The following CCDC144A variants were observed in gnomAD, a reference collection of about 807,000 sequenced individuals.
CCDC144A encodes coiled-coil domain containing 144A, also known as coiled-coil domain-containing protein 144A.
Under a neutral mutation model 143.8 loss-of-function variants are expected in CCDC144A, and 41 were observed. The ratio of observed to expected loss-of-function variants is 0.29; its 90% confidence interval spans 0.22 to 0.37. The LOEUF (loss-of-function observed/expected upper bound fraction) is 0.37, where lower values mean the gene tolerates loss of function less well. Among genes scored for constraint, CCDC144A ranks in the 10% least tolerant of loss-of-function variants. The probability of loss-of-function intolerance (pLI) is 1.00; values close to 1 mark genes in which losing one functional copy is unlikely to be tolerated. For synonymous variants in CCDC144A, 242 were observed against 517.9 expected, an observed-to-expected ratio of 0.47 and a Z score of 7.23; for missense variants, 637 against 1,488.8, an observed-to-expected ratio of 0.43 and a Z score of 9.41.
intron 12 of CCDC144A, among the ~76,000 whole-genome samples, chr17:16,737,259 C>CG: frequency 6.7e-6 from 1 of 148,396 alleles, no homozygotes; most frequent in East Asian, 2.0e-4. Context: ...CTCCGCCTCC[C>CG]GGGTTCACGC....
At chr17:16,761,951 C>A (rs1597592472) in intron 13 of CCDC144A, among the ~76,000 whole-genome samples, 2 of 152,168 alleles carry the variant, frequency 1.3e-5, no homozygotes, top group Admixed American at 1.3e-4. Context: ...ATTACTAAAG[C>A]CAGTTGGCAT....
chr17:16,757,425 G>C (rs1438314861), intron 12 of CCDC144A, among the ~76,000 whole-genome samples: 4 of 152,266 alleles, frequency 2.6e-5, no homozygotes, highest in Non-Finnish European at 5.9e-5. Flanking sequence ...CCACGTGCAG[G>C]TGCCGGTGGG....
intron 9 of CCDC144A, among the ~76,000 whole-genome samples, chr17:16,729,991 TACACAC>T (rs1555533309): frequency 5.2e-5 from 6 of 114,854 alleles, no homozygotes; most frequent in Admixed American, 8.6e-5. Flanking sequence ...TATATATATA[TACACAC>T]ATACATTTTT....
At chr17:16,684,838 C>T (rs1235220058), upstream of CCDC144A, among the ~76,000 whole-genome samples, 3 of 151,974 alleles carry the variant, frequency 2.0e-5, no homozygotes, top group Non-Finnish European at 2.9e-5. Context: ...TGGTGCATGC[C>T]TGTAGTCTAG....
At chr17:16,746,871 T>A in intron 12 of CCDC144A, 1 of 667,424 alleles carries the variant, frequency 1.5e-6, no homozygotes, top group Non-Finnish European at 2.6e-6. Flanking sequence ...TCCTCTCCCT[T>A]CTCTCCCTTC....
chr17:16,692,579 T>G (rs1473495639), intron 1 of CCDC144A, among the ~76,000 whole-genome samples: 1 of 149,160 alleles, frequency 6.7e-6, no homozygotes, highest in Admixed American at 6.8e-5. Context: ...ACTGTTTCTC[T>G]GAGCATTTAC....
chr17:16,715,926 A>G (rs954069506), intron 6 of CCDC144A, among the ~76,000 whole-genome samples: 4 of 152,200 alleles, frequency 2.6e-5, no homozygotes, highest in African/African-American at 9.7e-5. Context: ...GCGCACGTTG[A>G]TATTGGTTGG....
intron 12 of CCDC144A, among the ~76,000 whole-genome samples, chr17:16,759,315 C>G (rs1382102846): frequency 6.6e-6 from 1 of 152,214 alleles, no homozygotes; most frequent in Non-Finnish European, 1.5e-5. Flanking sequence ...GTAACCACCC[C>G]TGTAAGCCAA....
intron 2 of CCDC144A, among the ~76,000 whole-genome samples, chr17:16,694,955 T>C (rs1911311545): frequency 6.6e-6 from 1 of 152,220 alleles, no homozygotes; most frequent in African/African-American, 2.4e-5. Flanking sequence ...TATAAAAATG[T>C]TTCACAATAA....
intron 12 of CCDC144A, among the ~76,000 whole-genome samples, chr17:16,754,124 C>T (rs578013682): frequency 2.0e-3 from 306 of 152,282 alleles, no homozygotes; most frequent in African/African-American, 6.9e-3. Flanking sequence ...TATAGTTGTT[C>T]ATAATAGTCT....
intron 1 of CCDC144A, among the ~76,000 whole-genome samples, chr17:16,691,065 G>T (rs1360298841): frequency 1.3e-5 from 2 of 151,686 alleles, no homozygotes; most frequent in Non-Finnish European, 2.9e-5. Flanking sequence ...AGAACTTCAT[G>T]TTGGCCGAGC....
rs1915921725 is a variant in CCDC144A, at chr17:16,774,014, GTCAAT to G, written c.*382_*386del. The G allele has an allele frequency of 5.5e-6, 1 of 182,430 alleles. No individual in the cohort carries two copies. The highest frequency in any genetic ancestry group is 1.9e-4 in the South Asian group (1 of 5,250). The allele number at this position is 182,430 out of a possible 1,614,324, so 11.3% of individuals were successfully genotyped here. On this transcript the variant is annotated 3_prime_UTR_variant, in exon 17 of 17. Coordinates refer to ENST00000399273, the MANE Select transcript of CCDC144A (RefSeq NM_001382000.1). ...TTGGTATACTGGTACTGTGGTCATT[GTCAAT>G]GTTTGGATGTATTACGATTGTTATA... is the stretch of plus-strand genomic sequence containing the variant.
In CCDC144A at chr17:16,709,331, C is replaced by T; in HGVS notation, c.1274C>T (p.Ala425Val). The T allele has an allele frequency of 1.2e-6, 2 of 1,611,414 alleles. No individual in the cohort carries two copies. The highest frequency in any genetic ancestry group is 1.7e-6 in the Non-Finnish European group (2 of 1,179,464). Reference sequence around the variant, plus strand: ...ACAGATAAGAACTTTCATAATGATGCAAGCACTAAGAAAGCAAGGAACCCA... The same window carrying T: ...ACAGATAAGAACTTTCATAATGATGTAAGCACTAAGAAAGCAAGGAACCCA... Reference protein sequence around the residue: ...FSTDKNFHNDASTKKARNPEV... With the variant: ...FSTDKNFHNDVSTKKARNPEV... Residue 425 changes from alanine to valine, a missense_variant, in exon 5 of 17, where the codon GCA becomes GTA. Coordinates refer to ENST00000399273, the MANE Select transcript of CCDC144A (RefSeq NM_001382000.1).
chr17:16,708,831 C>A lies in CCDC144A; in HGVS notation c.774C>A (p.Cys258Ter), dbSNP rs549811268. 7 of 1,611,668 alleles carry A rather than the reference C, an allele frequency of 4.3e-6. No individual in the cohort carries two copies. In the South Asian group the frequency reaches 4.4e-5, roughly 10 times the overall value. ...AAGAACCAGAAATGGCTAAGGATTG[C>A]GATAGAGAGGATATACCTATATATC... ...TSQEPEMAKD[C>*]DREDIPIYPV... The change falls in exon 5 of 17, where the codon TGC (cysteine) becomes TGA (stop). Residue 258 changes from cysteine to a stop codon, truncating the protein, a stop_gained. Transcript: ENST00000399273. LOFTEE classifies it high-confidence loss of function.
upstream of CCDC144A, among the ~76,000 whole-genome samples, chr17:16,685,160 G>A (rs535513271): frequency 8.5e-5 from 13 of 152,052 alleles, no homozygotes; most frequent in Non-Finnish European, 1.5e-4. Flanking sequence ...CCAAGTATCT[G>A]GGATTGCGGG....
intron 1 of CCDC144A, among the ~76,000 whole-genome samples, chr17:16,692,318 A>G (rs1911136578): frequency 6.6e-6 from 1 of 150,962 alleles, no homozygotes; most frequent in Non-Finnish European, 1.5e-5. Flanking sequence ...GTAATAGTGG[A>G]CAGTGTTGTT....
At position 16,690,380 on chromosome 17, in the gene CCDC144A, C is replaced by T. The variant is rs763956623; in HGVS notation, c.-21C>T. The T allele has an allele frequency of 2.7e-6, 4 of 1,491,684 alleles. No homozygotes were observed. In the South Asian group the frequency reaches 4.1e-5, roughly 15 times the overall value. 92.4% of individuals were successfully genotyped at this position (1,491,684 alleles called of 1,614,324 possible). A position where few individuals can be genotyped will look rare whatever the true frequency, so the allele number is the denominator to read the frequency against. ...GGCTATCCTGCTGGGAGGTTGTGGCCGAGGCAGTAGCTCGCTACTGATGGC... is the reference window on the plus strand; with the variant it reads ...GGCTATCCTGCTGGGAGGTTGTGGCTGAGGCAGTAGCTCGCTACTGATGGC... On this transcript the variant is annotated 5_prime_UTR_variant, in exon 1 of 17. Coordinates refer to ENST00000399273, the MANE Select transcript of CCDC144A (RefSeq NM_001382000.1).
chr17:16,745,873 C>G (rs1914477335), intron 12 of CCDC144A: 1 of 1,594,888 alleles, frequency 6.3e-7, no homozygotes, highest in Non-Finnish European at 8.5e-7. Flanking sequence ...CCCTTCTTCC[C>G]TCTGTCTTGG....
At chr17:16,770,043 G>A (rs1376239238) in intron 15 of CCDC144A, among the ~76,000 whole-genome samples, 2 of 151,630 alleles carry the variant, frequency 1.3e-5, no homozygotes, top group South Asian at 4.2e-4. Context: ...GTCCAGGCTG[G>A]TCTTGAACTC....
Sources: allele counts gnomAD v4.1 joint callset (sites outside exome capture counted in the v4.1 genomes callset), GRCh38; gene constraint gnomAD v4.1.1; transcripts MANE v1.5; gene names NCBI Gene and HGNC (gene_info 2026-07-23, HGNC 2026-07-21).